The following ANO3 variants were observed in gnomAD, a reference collection of about 807,000 sequenced individuals.
ANO3 encodes the protein anoctamin-3.
Under a neutral mutation model 144.8 loss-of-function variants are expected in ANO3, and 99 were observed. That is an observed-to-expected ratio of 0.68 (90% CI 0.58 to 0.81). ANO3 has a LOEUF of 0.81. ANO3 is among the 30% of genes least tolerant of loss of function. The pLI is 0.00. For missense variants in ANO3, 905 were observed against 1,202.2 expected (o/e 0.75, Z 3.66); for synonymous variants, 414 against 392.6 (o/e 1.05, Z -0.64).
At chr11:26,198,081 G>T (rs891437930) in intron 1 of ANO3, among the ~76,000 whole-genome samples, 3 of 152,022 alleles carry the variant, frequency 2.0e-5, no homozygotes, top group Non-Finnish European at 4.4e-5. Flanking sequence ...CAAGGCAAAT[G>T]GTGGGTGGAA....
rs2133872917 is a variant in ANO3 at position 26,313,882 on chromosome 11, T to C, written c.-3+4163T>C. 2.0e-5 allele frequency among the ~76,000 whole-genome samples: 3 copies of C among 148,334 alleles called. No individual in the cohort carries two copies. The East Asian group carries it at 5.9e-4, about 29-fold the overall frequency. On this transcript the variant is annotated intron_variant, in intron 1 of 26. Transcript: ENST00000525139. ...AATGAAATTAAATATTATAATATAA[T>C]ATAATATAATATAATAAAAAGAGAG...
chr11:26,457,910 G>C (rs1206943281), intron 3 of ANO3, among the ~76,000 whole-genome samples: 1 of 151,824 alleles, frequency 6.6e-6, no homozygotes, highest in Non-Finnish European at 1.5e-5. Flanking sequence ...GTGAAAATCT[G>C]TTTTTCTTAA....
At chr11:26,243,567 T>C (rs773698522) in intron 1 of ANO3, among the ~76,000 whole-genome samples, 12 of 152,204 alleles carry the variant, frequency 7.9e-5, no homozygotes, top group Non-Finnish European at 4.4e-5. Context: ...TTGGCTTTGT[T>C]CCTGGAAATG....
intron 4 of ANO3, among the ~76,000 whole-genome samples, chr11:26,478,603 C>T (rs1378321146): frequency 2.0e-5 from 3 of 152,116 alleles, no homozygotes; most frequent in Non-Finnish European, 4.4e-5. Flanking sequence ...ATTCCCCTCT[C>T]AGCTACAGGA....
rs142770415 is a variant in ANO3 at position 26,384,888 on chromosome 11, T to G, written c.46+52567T>G. ...CTCTCTTTGATTTGGTATCTCAATC[T>G]TTCTGTGAACATTTACCTTGGCAAT... is the stretch of plus-strand genomic sequence containing the variant. On this transcript the variant is annotated intron_variant, in intron 1 of 26. Transcript: ENST00000256737. Among the ~76,000 whole-genome samples the G allele has an allele frequency of 9.0e-3, 1,375 of 152,344 alleles. 14 individuals carry two copies. Among genetic ancestry groups the G allele is most frequent in the South Asian group, 0.057 (274 of 4,822 alleles).
intron 1 of ANO3, among the ~76,000 whole-genome samples, chr11:26,292,716 C>A (rs934709893): frequency 6.6e-6 from 1 of 152,172 alleles, no homozygotes; most frequent in Non-Finnish European, 1.5e-5. Flanking sequence ...CCACTCCAGA[C>A]CCAGTTTGCC....
At chr11:26,582,983 CA>C (rs1399158945) in intron 14 of ANO3, among the ~76,000 whole-genome samples, 10 of 152,058 alleles carry the variant, frequency 6.6e-5, no homozygotes, top group African/African-American at 2.4e-4. Context: ...AAATACATGG[CA>C]AAAAGCTGAG....
chr11:26,431,762 T>C (rs1858099062), intron 1 of ANO3, among the ~76,000 whole-genome samples: 1 of 152,210 alleles, frequency 6.6e-6, no homozygotes, highest in African/African-American at 2.4e-5. Context: ...TATTCCATAG[T>C]GTATATGTAC....
At chr11:26,264,751 A>T (rs980175444) in intron 1 of ANO3, among the ~76,000 whole-genome samples, 5 of 152,136 alleles carry the variant, frequency 3.3e-5, no homozygotes, top group Admixed American at 2.0e-4. Flanking sequence ...GAGTTTTCAC[A>T]TGGCTATTCC....
chr11:26,257,432 C>T (rs1005279090), intron 1 of ANO3, among the ~76,000 whole-genome samples: 1 of 152,104 alleles, frequency 6.6e-6, no homozygotes, highest in African/African-American at 2.4e-5. Flanking sequence ...TGTCTCCCAA[C>T]AGTTAAATCC....
intron 17 of ANO3, among the ~76,000 whole-genome samples, chr11:26,620,756 C>T (rs1852391632): frequency 1.3e-5 from 2 of 152,130 alleles, no homozygotes; most frequent in South Asian, 4.1e-4. Context: ...TCACTGAAGG[C>T]CTCAAAGTAC....
chr11:26,307,707 G>A (rs1285288597), upstream of ANO3, among the ~76,000 whole-genome samples: 6 of 133,588 alleles, frequency 4.5e-5, no homozygotes, highest in Non-Finnish European at 6.4e-5. Context: ...CAACAAGAGC[G>A]AAACTCCGTC....
At chr11:26,332,885 G>C (rs1380019925) in intron 1 of ANO3, among the ~76,000 whole-genome samples, 4 of 152,080 alleles carry the variant, frequency 2.6e-5, no homozygotes, top group African/African-American at 7.2e-5. Context: ...TTGAGGTTAG[G>C]TTTCTCTTCT....
At chr11:26,255,223 A>AT (rs1200240822) in intron 1 of ANO3, among the ~76,000 whole-genome samples, 1 of 152,068 alleles carries the variant, frequency 6.6e-6, no homozygotes, top group Admixed American at 6.6e-5. Context: ...CAACAAAGGC[A>AT]TTTTTTCTTT....
chr11:26,438,592 C>CAAAAAAAAAAAAAAAA (rs1227963923), intron 1 of ANO3, among the ~76,000 whole-genome samples: 2 of 70,228 alleles, frequency 2.8e-5, no homozygotes, highest in East Asian at 4.6e-4. Context: ...ACTAAAAATA[C>CAAAAAAAAAAAAAAAA]AAAAAAAAAA....
chr11:26,592,239 G>A (rs1484305864), intron 14 of ANO3, among the ~76,000 whole-genome samples: 1 of 152,108 alleles, frequency 6.6e-6, no homozygotes, highest in Non-Finnish European at 1.5e-5. Context: ...CACAGAGCAG[G>A]CCATGCGAGG....
At chr11:26,564,708 C>T (rs1284476622) in intron 14 of ANO3, among the ~76,000 whole-genome samples, 13 of 68,840 alleles carry the variant, frequency 1.9e-4, no homozygotes, top group South Asian at 5.3e-4. Context: ...CACACACACA[C>T]ACACACACAC....
upstream of ANO3, among the ~76,000 whole-genome samples, chr11:26,327,749 C>T (rs149353305): frequency 4.1e-4 from 62 of 152,234 alleles, no homozygotes; most frequent in East Asian, 8.9e-3. Context: ...ACTTAATGTA[C>T]GATGAGTTTG....
chr11:26,235,851 G>A (rs1006804280), intron 1 of ANO3, among the ~76,000 whole-genome samples: 1 of 151,898 alleles, frequency 6.6e-6, no homozygotes, highest in African/African-American at 2.4e-5. Flanking sequence ...TTATATAAAC[G>A]AAGTATATAC....
Sources: gnomAD v4.1 joint callset for allele counts (sites outside exome capture counted in the v4.1 genomes callset) on GRCh38, gnomAD v4.1.1 for gene constraint, MANE v1.5 for transcripts, NCBI Gene and HGNC (gene_info 2026-07-23, HGNC 2026-07-21) for gene names.